The following CSMD1 variants were observed in gnomAD, a reference collection of about 807,000 sequenced individuals.
The protein encoded by CSMD1 is CUB and sushi domain-containing protein 1.
In CSMD1, 213 loss-of-function variants were observed where a neutral mutation model predicts 417.5. The ratio of observed to expected loss-of-function variants is 0.51; its 90% CI spans 0.46 to 0.57. The LOEUF (loss-of-function observed/expected upper bound fraction) is 0.57. Among genes scored for constraint, CSMD1 ranks in the 20% least tolerant of loss-of-function variants. CSMD1 has a pLI of 0.00. For missense variants in CSMD1, 6,923 were observed against 4,529.7 expected (o/e 1.53, Z -15.17); for synonymous variants, 2,862 against 1,736.8 (o/e 1.65, Z -16.11).
intron 10 of CSMD1, among the ~76,000 whole-genome samples, chr8:3,524,836 C>G (rs759811108): frequency 6.6e-6 from 1 of 150,504 alleles, no homozygotes; most frequent in South Asian, 2.1e-4. Flanking sequence ...ACACACAGAG[C>G]CTTTACAACT....
chr8:3,173,673 C>T (rs540350903), intron 37 of CSMD1, among the ~76,000 whole-genome samples: 1 of 152,178 alleles, frequency 6.6e-6, no homozygotes, highest in Non-Finnish European at 1.5e-5. Context: ...AAGCTCTCGT[C>T]TCAGTGCACA....
chr8:3,120,475 A>G (rs547957550), intron 41 of CSMD1, among the ~76,000 whole-genome samples: 36 of 152,306 alleles, frequency 2.4e-4, no homozygotes, highest in African/African-American at 7.7e-4. Context: ...AGCATTCCAT[A>G]GAGCCATGAG....
intron 1 of CSMD1, chr8:4,788,640 C>A: frequency 1.3e-6 from 1 of 748,504 alleles, no homozygotes; most frequent in Non-Finnish European, 2.2e-6. Flanking sequence ...TCTAATTTAG[C>A]TGAAGGAAAA....
At chr8:3,573,611 G>T (rs537512432) in intron 10 of CSMD1, among the ~76,000 whole-genome samples, 1 of 152,052 alleles carries the variant, frequency 6.6e-6, no homozygotes, top group Admixed American at 6.5e-5. Flanking sequence ...AAAACCAAAG[G>T]CATCTGTGAT....
intron 1 of CSMD1, among the ~76,000 whole-genome samples, chr8:4,666,170 T>A (rs561961584): frequency 6.6e-6 from 1 of 152,264 alleles, no homozygotes; most frequent in East Asian, 1.9e-4. Flanking sequence ...TGCAGAATAA[T>A]GACCTCCCAA....
rs140505055 is a variant in CSMD1, at chr8:4,143,048, C to G, written c.416-110949G>C. On this transcript the variant is annotated intron_variant, in intron 3 of 69. Transcript: ENST00000635120. ...AGTGTCCAATTCCAACCCAATCACA[C>G]AAACAAAATGAACACAATGAAGCAA... is the stretch of plus-strand genomic sequence containing the variant. Among the ~76,000 whole-genome samples the G allele has an allele frequency of 2.3e-3, 343 of 150,180 alleles. 20 individuals carry two copies. The highest frequency in any genetic ancestry group is 8.0e-3 in the African/African-American group (320 of 40,094).
chr8:3,611,035 G>C (rs147377617), intron 8 of CSMD1, among the ~76,000 whole-genome samples: 1 of 135,362 alleles, frequency 7.4e-6, no homozygotes, highest in Non-Finnish European at 1.5e-5. Context: ...TGAACAATGA[G>C]AACACATGGA....
intron 2 of CSMD1, among the ~76,000 whole-genome samples, chr8:4,493,989 G>C (rs557085199): frequency 2.0e-5 from 3 of 152,272 alleles, no homozygotes; most frequent in African/African-American, 7.2e-5. Flanking sequence ...AATGCCTTAA[G>C]CATGTACACA....
intron 8 of CSMD1, among the ~76,000 whole-genome samples, chr8:3,615,066 C>T (rs1037621085): frequency 1.3e-5 from 2 of 152,196 alleles, no homozygotes; most frequent in African/African-American, 2.4e-5. Flanking sequence ...TCCTGAATGA[C>T]TTCAAATGAC....
intron 10 of CSMD1, among the ~76,000 whole-genome samples, chr8:3,513,330 G>T (rs1277540518): frequency 6.6e-6 from 1 of 150,554 alleles, no homozygotes; most frequent in Non-Finnish European, 1.5e-5. Context: ...TTTGTCACTT[G>T]CCCACAGATT....
chr8:4,813,093 C>T (rs1799001298), intron 1 of CSMD1, among the ~76,000 whole-genome samples: 1 of 152,196 alleles, frequency 6.6e-6, no homozygotes, highest in Admixed American at 6.5e-5. Context: ...GCATGATTTA[C>T]ATAGTTGAGA....
At chr8:4,165,773 G>T (rs528320231) in intron 3 of CSMD1, among the ~76,000 whole-genome samples, 1 of 152,278 alleles carries the variant, frequency 6.6e-6, no homozygotes, top group African/African-American at 2.4e-5. Context: ...GCCATGAGGT[G>T]TTAGCTCACG....
chr8:3,947,713 G>A (rs776473324), intron 5 of CSMD1, among the ~76,000 whole-genome samples: 5 of 152,110 alleles, frequency 3.3e-5, no homozygotes, highest in Admixed American at 1.3e-4. Context: ...AATTGACTAA[G>A]CCTTTTTTTA....
chr8:4,252,721 G>A (rs868292829), intron 3 of CSMD1, among the ~76,000 whole-genome samples: 4 of 152,212 alleles, frequency 2.6e-5, no homozygotes, highest in Non-Finnish European at 5.9e-5. Context: ...TGTATTGGTT[G>A]TACAGGAATT....
At chr8:3,739,619 C>T (rs1416173692) in intron 6 of CSMD1, among the ~76,000 whole-genome samples, 1 of 152,052 alleles carries the variant, frequency 6.6e-6, no homozygotes, top group Non-Finnish European at 1.5e-5. Flanking sequence ...CTCAAAAGGC[C>T]TTTCTGTGCT....
At chr8:3,183,750 C>T (rs1821576503) in intron 36 of CSMD1, among the ~76,000 whole-genome samples, 1 of 152,244 alleles carries the variant, frequency 6.6e-6, no homozygotes, top group South Asian at 2.1e-4. Flanking sequence ...TTCAAAGCTT[C>T]CTCTTTCTCC....
chr8:3,211,400 C>A (rs1275409376), intron 30 of CSMD1, among the ~76,000 whole-genome samples: 1 of 152,166 alleles, frequency 6.6e-6, no homozygotes, highest in Non-Finnish European at 1.5e-5. Context: ...TGGTCTATAA[C>A]AGCTGCTGAG....
At chr8:3,652,054 C>A (rs974665192) in intron 7 of CSMD1, among the ~76,000 whole-genome samples, 9 of 151,534 alleles carry the variant, frequency 5.9e-5, no homozygotes, top group Non-Finnish European at 1.5e-5. Context: ...CACCCACCAC[C>A]ATCGCACTTA....
At chr8:4,133,820 C>A (rs1803256188) in intron 3 of CSMD1, among the ~76,000 whole-genome samples, 1 of 152,124 alleles carries the variant, frequency 6.6e-6, no homozygotes, top group African/African-American at 2.4e-5. Context: ...CATGCCTGAT[C>A]TCCTCTGAAA....
Sources: allele counts gnomAD v4.1 joint callset (sites outside exome capture counted in the v4.1 genomes callset), GRCh38; gene constraint gnomAD v4.1.1; transcripts MANE v1.5; gene names NCBI Gene and HGNC (gene_info 2026-07-23, HGNC 2026-07-21).